Variants in RIMS1 observed in about 807,000 individuals in gnomAD.
RIMS1 encodes the protein regulating synaptic membrane exocytosis 1.
Under a neutral mutation model 214.1 loss-of-function variants are expected in RIMS1, and 83 were observed. That is an observed-to-expected ratio of 0.39 (90% confidence interval 0.32 to 0.47). RIMS1 has a LOEUF of 0.47. Ranked by LOEUF, RIMS1 falls within the 20% of genes least tolerant of loss-of-function variation. The pLI, the probability that RIMS1 is intolerant of heterozygous loss-of-function variation, is 0.99. For missense variants in RIMS1, 2,050 were observed against 2,161.8 expected (o/e 0.95, Z 1.03); for synonymous variants, 793 against 786.8 (o/e 1.01, Z -0.13).
At chr6:72,263,557 G>GA (rs200783702) in intron 19 of RIMS1, 533 of 980,648 alleles carry the variant, frequency 5.4e-4, no homozygotes, top group African/African-American at 3.9e-3. Flanking sequence ...TCCCATTCTT[G>GA]AAAAAAAAAT....
At chr6:72,342,685 C>T (rs1323394478) in intron 29 of RIMS1, among the ~76,000 whole-genome samples, 2 of 150,850 alleles carry the variant, frequency 1.3e-5, no homozygotes, top group African/African-American at 4.9e-5. Flanking sequence ...ACAAAGGAAT[C>T]TGATCATTTT....
rs1327906991 is a variant in RIMS1 at position 72,046,659 on chromosome 6, G to A, written c.246-50290G>A. Among the ~76,000 whole-genome samples, 3 of 152,052 alleles carry A rather than the reference G, an allele frequency of 2.0e-5. No individual in the cohort carries two copies. In the East Asian group the frequency reaches 5.8e-4, roughly 29 times the overall value. Reference sequence around the variant, plus strand: ...CAGGGCAGGTGCCAGTTATTCATTTGAAAATTTGTACTGAGAATTGGAATT... The same window carrying A: ...CAGGGCAGGTGCCAGTTATTCATTTAAAAATTTGTACTGAGAATTGGAATT... On this transcript the variant is annotated intron_variant, in intron 2 of 33. Coordinates refer to ENST00000521978, the MANE Select transcript of RIMS1 (RefSeq NM_014989.7).
intron 1 of RIMS1, among the ~76,000 whole-genome samples, chr6:71,936,995 G>A (rs1258696255): frequency 1.3e-5 from 2 of 152,240 alleles, no homozygotes; most frequent in Admixed American, 6.5e-5. Flanking sequence ...AGGAGCTTGA[G>A]AAGAGGCATC....
chr6:72,290,834 C>A lies in RIMS1; in HGVS notation c.3710C>A (p.Ser1237Ter), dbSNP rs776226425. 1.2e-6 allele frequency: 2 copies of A among 1,612,814 alleles called. No homozygotes were observed. The highest frequency in any genetic ancestry group is 1.7e-6 in the Non-Finnish European group (2 of 1,179,684). Residue 1237 changes from serine to a stop codon, truncating the protein, a stop_gained, in exon 25 of 34, where the codon TCG (serine) becomes TAG (stop). Coordinates refer to ENST00000521978, the MANE Select transcript of RIMS1 (RefSeq NM_014989.7). LOFTEE classifies it high-confidence loss of function. Reference sequence around the variant, plus strand: ...ATGCACCACCTTGTCCCTGGAGGGTCGGCGCCACCTTCTCCGCTTCTGACA... The same window carrying A: ...ATGCACCACCTTGTCCCTGGAGGGTAGGCGCCACCTTCTCCGCTTCTGACA... ...CSMHHLVPGGSAPPSPLLTRM... is the reference protein window; with the variant it reads ...CSMHHLVPGG
intron 2 of RIMS1, among the ~76,000 whole-genome samples, chr6:72,029,043 C>A (rs1490252320): frequency 6.6e-6 from 1 of 152,058 alleles, no homozygotes; most frequent in Non-Finnish European, 1.5e-5. Context: ...AACCACAGTT[C>A]ATGTAAAAAG....
intron 2 of RIMS1, among the ~76,000 whole-genome samples, chr6:72,012,095 G>C (rs987351263): frequency 6.6e-6 from 1 of 152,150 alleles, no homozygotes; most frequent in Non-Finnish European, 1.5e-5. Flanking sequence ...GTCCAACAAT[G>C]ATAGACTGCA....
At chr6:72,357,345 C>T (rs2097679468) in intron 29 of RIMS1, among the ~76,000 whole-genome samples, 2 of 152,188 alleles carry the variant, frequency 1.3e-5, no homozygotes, top group South Asian at 4.1e-4. Flanking sequence ...GATGAAGGAT[C>T]AGTTCTGCTG....
intron 16 of RIMS1, among the ~76,000 whole-genome samples, chr6:72,257,208 T>A (rs979758964): frequency 6.6e-6 from 1 of 151,666 alleles, no homozygotes; most frequent in Non-Finnish European, 1.5e-5. Context: ...TTTTTTTTTT[T>A]ACTTTGGCCA....
intron 28 of RIMS1, among the ~76,000 whole-genome samples, chr6:72,316,021 T>C (rs2095766559): frequency 6.6e-6 from 1 of 151,394 alleles, no homozygotes; most frequent in Non-Finnish European, 1.5e-5. Flanking sequence ...ATATAAGTTG[T>C]AATAATAAGC....
chr6:72,002,326 G>T (rs1805534571), intron 2 of RIMS1, among the ~76,000 whole-genome samples: 1 of 151,606 alleles, frequency 6.6e-6, no homozygotes. Flanking sequence ...AAATTACAAA[G>T]TTCTAAAATG....
chr6:71,919,557 A>G (rs1779410657), intron 1 of RIMS1, among the ~76,000 whole-genome samples: 1 of 152,142 alleles, frequency 6.6e-6, no homozygotes, highest in African/African-American at 2.4e-5. Flanking sequence ...AGTCATCAGG[A>G]TACTGCTTAT....
At chr6:72,296,109 T>A (rs2094052017) in intron 26 of RIMS1, 1 of 152,272 alleles carries the variant, frequency 6.6e-6, no homozygotes, top group South Asian at 2.1e-4. Flanking sequence ...GTAGTGTATT[T>A]GATATTAATT....
chr6:72,072,251 G>A (rs1397664885), intron 2 of RIMS1, among the ~76,000 whole-genome samples: 3 of 152,150 alleles, frequency 2.0e-5, no homozygotes, highest in Non-Finnish European at 2.9e-5. Context: ...TATTCATTGA[G>A]CATTCACTAT....
intron 27 of RIMS1, among the ~76,000 whole-genome samples, chr6:72,310,886 T>G (rs1354542520): frequency 6.6e-6 from 1 of 152,130 alleles, no homozygotes; most frequent in Non-Finnish European, 1.5e-5. Context: ...AGATTATTCT[T>G]TATCTCAATA....
intron 31 of RIMS1, among the ~76,000 whole-genome samples, chr6:72,396,076 A>AT (rs994195813): frequency 4.6e-4 from 69 of 151,300 alleles, no homozygotes; most frequent in African/African-American, 1.5e-3. Context: ...ACCAAATGGG[A>AT]TTTTTTTTTC....
rs1582800456 is a variant in RIMS1, at chr6:71,886,640, G to A, written c.-384G>A. The A allele has an allele frequency of 7.0e-6, 1 of 142,850 alleles. No individual in the cohort carries two copies. Among genetic ancestry groups the A allele is most frequent in the African/African-American group, 2.6e-5 (1 of 39,036 alleles). The allele number at this position is 142,850 out of a possible 1,614,324, so 8.8% of individuals were successfully genotyped here. A position where few individuals can be genotyped will look rare whatever the true frequency, so the allele number is the denominator to read the frequency against. ...CAGCCCCAGCCCCAGCCCCGCCCCCGCCCCGCGCCCCGCCGGAGACGCCCG... is the reference window on the plus strand; with the variant it reads ...CAGCCCCAGCCCCAGCCCCGCCCCCACCCCGCGCCCCGCCGGAGACGCCCG... On this transcript the variant is annotated 5_prime_UTR_variant, in exon 1 of 34. Transcript: ENST00000521978.
At chr6:72,369,284 A>G (rs2098140514) in intron 29 of RIMS1, among the ~76,000 whole-genome samples, 1 of 152,046 alleles carries the variant, frequency 6.6e-6, no homozygotes. Context: ...ATTAACAGTC[A>G]TGTTTTGATA....
intron 23 of RIMS1, among the ~76,000 whole-genome samples, chr6:72,279,919 T>C (rs1164505823): frequency 6.6e-6 from 1 of 152,052 alleles, no homozygotes; most frequent in Non-Finnish European, 1.5e-5. Context: ...TGTTGCATCA[T>C]GTTAAAACAT....
intron 1 of RIMS1, among the ~76,000 whole-genome samples, chr6:71,961,334 T>C (rs534227286): frequency 2.0e-5 from 3 of 152,150 alleles, no homozygotes; most frequent in Non-Finnish European, 4.4e-5. Flanking sequence ...CACTAAACTC[T>C]TCTCCTCTTC....
Sources: gnomAD v4.1 joint callset for allele counts (sites outside exome capture counted in the v4.1 genomes callset) on GRCh38, gnomAD v4.1.1 for gene constraint, MANE v1.5 for transcripts, NCBI Gene and HGNC (gene_info 2026-07-23, HGNC 2026-07-21) for gene names.